The following CHAT variants were observed in gnomAD, a reference collection of about 807,000 sequenced individuals.
CHAT encodes the protein acetyl CoA:choline O-acetyltransferase.
A neutral mutation model predicts 76.9 loss-of-function variants in CHAT; 61 were observed. The observed-to-expected ratio is 0.79, with a 90% CI of 0.65 to 0.98. CHAT has a LOEUF of 0.98. CHAT is among the 50% of genes least tolerant of loss of function. The pLI, the probability that CHAT is intolerant of heterozygous loss-of-function variation, is 0.00. For missense variants in CHAT, 946 were observed against 986.9 expected (o/e 0.96, Z 0.56); for synonymous variants, 407 against 397.4 (o/e 1.02, Z -0.29).
chr10:49,641,218 T>C lies in CHAT; in HGVS notation c.1112-5287T>C, dbSNP rs888947621. Among the ~76,000 whole-genome samples, 8 of 152,312 alleles carry C rather than the reference T, an allele frequency of 5.3e-5. No individual in the cohort carries two copies. The South Asian group carries it at 8.3e-4, about 16-fold the overall frequency. On this transcript the variant is annotated intron_variant, in intron 7 of 14. Transcript: ENST00000337653. Reference sequence around the variant, plus strand: ...TCTCTGTAAAGGCCCTCCCTCCAAATAGAGTCACACTGAGAGCTGAAGCTT... The same window carrying C: ...TCTCTGTAAAGGCCCTCCCTCCAAACAGAGTCACACTGAGAGCTGAAGCTT...
chr10:49,611,552 G>A (rs1403471491), upstream of CHAT: 1 of 1,604,404 alleles, frequency 6.2e-7, no homozygotes, highest in African/African-American at 1.3e-5. Context: ...GCGGCTGCAC[G>A]GGCTCGGGCC....
intron 7 of CHAT, among the ~76,000 whole-genome samples, chr10:49,633,507 T>A (rs555399061): frequency 1.1e-4 from 17 of 152,296 alleles, no homozygotes; most frequent in South Asian, 2.1e-4. Flanking sequence ...CTAGCCAGCC[T>A]GAGACCTGCA....
upstream of CHAT, chr10:49,612,471 C>CAAGGT: frequency 1.2e-6 from 1 of 869,420 alleles, no homozygotes; most frequent in South Asian, 1.8e-5. Flanking sequence ...ACCTTGACTT[C>CAAGGT]TGCCCAAATC....
At chr10:49,634,992 A>G (rs1323278374) in intron 7 of CHAT, among the ~76,000 whole-genome samples, 1 of 152,214 alleles carries the variant, frequency 6.6e-6, no homozygotes, top group Admixed American at 6.5e-5. Context: ...CTATAGTACA[A>G]TATCACAACC....
chr10:49,649,974 T>A (rs1839823293), intron 10 of CHAT, among the ~76,000 whole-genome samples: 1 of 148,182 alleles, frequency 6.7e-6, no homozygotes, highest in Non-Finnish European at 1.5e-5. Context: ...CTGGTTTGAA[T>A]AGGTCATTTG....
At chr10:49,617,740 C>T (rs866755454) in intron 2 of CHAT, among the ~76,000 whole-genome samples, 2 of 152,052 alleles carry the variant, frequency 1.3e-5, no homozygotes, top group Admixed American at 6.6e-5. Flanking sequence ...ACAGACCACC[C>T]CCCCCACCGC....
intron 10 of CHAT, among the ~76,000 whole-genome samples, chr10:49,650,089 G>T (rs1015840210): frequency 6.6e-6 from 1 of 152,144 alleles, no homozygotes; most frequent in African/African-American, 2.4e-5. Context: ...ACCCAGGCAG[G>T]AGGGCCTGGG....
chr10:49,619,886 C>T lies in CHAT; in HGVS notation c.549C>T (p.Leu183=). ...TCGGCGAGACCCTGCAGCAGAAACT[C>T]CTGGAGCGGCAGGAGAAGACAGCCA... ...GGLGETLQQK[L]LERQEKTANW... is the part of the protein sequence containing the mutation. The change falls in exon 3 of 15, where the codon CTC becomes CTT. Residue 183 remains leucine, a synonymous_variant. Coordinates refer to ENST00000337653, the MANE Select transcript of CHAT (RefSeq NM_020549.5). 1 of 1,612,986 alleles carries T rather than the reference C, an allele frequency of 6.2e-7. No homozygotes were observed. Among genetic ancestry groups the T allele is most frequent in the East Asian group, 2.2e-5 (1 of 44,840 alleles).
chr10:49,637,040 C>CT (rs534812454), intron 7 of CHAT, among the ~76,000 whole-genome samples: 7,899 of 144,086 alleles, frequency 0.055, 581 homozygotes, highest in African/African-American at 0.17. Context: ...TTCTCCCTCT[C>CT]TTTTTTTTTT....
At chr10:49,642,247 G>A (rs1479169583) in intron 7 of CHAT, among the ~76,000 whole-genome samples, 1 of 152,212 alleles carries the variant, frequency 6.6e-6, no homozygotes, top group African/African-American at 2.4e-5. Context: ...TTACATTTGG[G>A]CCACAGTCAT....
At position 49,651,869 on chromosome 10, in the gene CHAT, C is replaced by A; in HGVS notation, c.1512-15C>A. On this transcript the variant is annotated splice_polypyrimidine_tract_variant and intron_variant, in intron 10 of 14. Transcript: ENST00000337653. ...TTTGCATGCAATAAAAACATCTTTT[C>A]TTTTTCTTCCTCAGAATAGTAAAGA... 6.2e-7 allele frequency: 1 copy of A among 1,611,952 alleles called. No individual in the cohort carries two copies. Among genetic ancestry groups the A allele is most frequent in the South Asian group, 1.1e-5 (1 of 90,726 alleles).
In CHAT at chr10:49,665,180, A is replaced by C. The variant is rs934163694; in HGVS notation, c.*134A>C. Reference sequence around the variant, plus strand: ...GGTCCAACTCACAGACCATACAGAGACATCACACAGAGCCGGAGTGTTAGG... The same window carrying C: ...GGTCCAACTCACAGACCATACAGAGCCATCACACAGAGCCGGAGTGTTAGG... On this transcript the variant is annotated 3_prime_UTR_variant, in exon 15 of 15. Coordinates refer to ENST00000337653, the MANE Select transcript of CHAT (RefSeq NM_020549.5). 1 of 947,832 alleles carries C rather than the reference A, an allele frequency of 1.1e-6. No individual in the cohort carries two copies. The highest frequency in any genetic ancestry group is 1.7e-6 in the Non-Finnish European group (1 of 592,702). 58.7% of individuals were successfully genotyped at this position (947,832 alleles called of 1,614,324 possible).
Position 49,616,504 on chromosome 10 carries a change from C to A in CHAT, c.289C>A (p.Pro97Thr), listed in dbSNP as rs865999776. Residue 97 changes from proline (P) to threonine (T), a missense_variant and splice_region_variant, in exon 2 of 15, where the codon CCA becomes ACA. Coordinates refer to ENST00000337653, the MANE Select transcript of CHAT (RefSeq NM_020549.5). ...AEAAEPRRAG[P>T]HLCIPAPGLT... ...GCTTCCCACTTCTTGGTCCCCAGGT[C>A]CACACCTCTGCATCCCTGCACCAGG... The A allele has an allele frequency of 1.9e-6, 3 of 1,610,902 alleles. No homozygotes were observed. Among genetic ancestry groups the A allele is most frequent in the Non-Finnish European group, 1.7e-6 (2 of 1,178,320 alleles).
chr10:49,657,519 C>A (rs918805903), intron 13 of CHAT, among the ~76,000 whole-genome samples: 1 of 152,146 alleles, frequency 6.6e-6, no homozygotes, highest in East Asian at 1.9e-4. Flanking sequence ...ACTAGCCCCC[C>A]TCCCCAGTGG....
intron 11 of CHAT, among the ~76,000 whole-genome samples, chr10:49,653,604 C>T (rs1206513519): frequency 6.6e-6 from 1 of 152,220 alleles, no homozygotes; most frequent in African/African-American, 2.4e-5. Flanking sequence ...TCTGTCCTGT[C>T]CGGACACCTT....
At chr10:49,627,523 C>A in intron 6 of CHAT, 85 bp from the exon 7 acceptor site, 1 of 1,408,278 alleles carries the variant, frequency 7.1e-7, no homozygotes, top group Non-Finnish European at 1.0e-6. Context: ...GCATCCCTGC[C>A]CCAAGCTTAC....
At chr10:49,622,465 G>C (rs950035716) in intron 5 of CHAT, among the ~76,000 whole-genome samples, 2 of 152,222 alleles carry the variant, frequency 1.3e-5, no homozygotes, top group African/African-American at 4.8e-5. Flanking sequence ...AGGCGGGGAA[G>C]GAAGAGTTGT....
intron 10 of CHAT, among the ~76,000 whole-genome samples, chr10:49,649,866 ATTTTTTTTT>A (rs59979541): frequency 5.9e-5 from 7 of 117,818 alleles, no homozygotes; most frequent in African/African-American, 2.7e-4. Flanking sequence ...ACGCAGGGCT[ATTTTTTTTT>A]TTTTTTTTTT....
intron 7 of CHAT, among the ~76,000 whole-genome samples, chr10:49,644,834 T>C (rs1323745440): frequency 1.3e-5 from 2 of 152,170 alleles, no homozygotes; most frequent in Non-Finnish European, 2.9e-5. Context: ...TTAGCATCTG[T>C]GTACACAGCA....
Sources: allele counts gnomAD v4.1 joint callset (sites outside exome capture counted in the v4.1 genomes callset), GRCh38; gene constraint gnomAD v4.1.1; transcripts MANE v1.5; gene names NCBI Gene and HGNC (gene_info 2026-07-23, HGNC 2026-07-21).